Variants in SFTPD observed in about 807,000 individuals in gnomAD.
SFTPD encodes the protein surfactant protein D, also known as pulmonary surfactant-associated protein D.
A neutral mutation model predicts 34.6 loss-of-function variants in SFTPD; 18 were observed. The observed-to-expected ratio is 0.52, with a 90% CI of 0.36 to 0.77. The LOEUF is 0.77. SFTPD is among the 30% of genes least tolerant of loss of function. The probability of loss-of-function intolerance (pLI) is 0.00; values close to 1 mark genes in which losing one functional copy is unlikely to be tolerated. For synonymous variants in SFTPD, 155 were observed against 180.9 expected (o/e 0.86, Z 1.15); for missense variants, 433 against 468.9 (o/e 0.92, Z 0.71).
At chr10:79,940,057 C>T (rs997664005) in intron 7 of SFTPD, among the ~76,000 whole-genome samples, 4 of 152,188 alleles carry the variant, frequency 2.6e-5, no homozygotes, top group Non-Finnish European at 4.4e-5. Flanking sequence ...ACCAAGAGCA[C>T]GTCTAAGGTG....
chr10:79,942,579 A>G, intron 3 of SFTPD, 75 bp from the exon 4 acceptor site: 1 of 1,062,234 alleles, frequency 9.4e-7, no homozygotes, highest in Non-Finnish European at 1.5e-6. Context: ...GGTGAGGGTA[A>G]TAACAGAGGT....
At position 79,937,853 on chromosome 10, in the gene SFTPD, C is replaced by G; in HGVS notation, c.1127G>C (p.Ter376SerextTer32). The stretch of plus-strand genomic sequence containing the variant: ...ACTGCCCCACCCACCCCAGTTGGCT[C>G]AGAACTCGCAGACCACAAGACGCTT... ...GEKRLVVCEF[*>S] Residue 376 changes from the stop codon to serine, a stop_lost, in exon 8 of 8, where the codon TGA (stop) becomes TCA (serine). Transcript: ENST00000372292. 1 of 1,535,088 alleles carries G rather than the reference C, an allele frequency of 6.5e-7. No individual in the cohort carries two copies. The highest frequency in any genetic ancestry group is 1.8e-4 in the Middle Eastern group (1 of 5,688).
chr10:79,979,493 T>C (rs1378878729), intron 1 of SFTPD, among the ~76,000 whole-genome samples: 15 of 152,208 alleles, frequency 9.9e-5, no homozygotes, highest in Admixed American at 9.8e-4. Flanking sequence ...GAGATCTGTG[T>C]ACTTGGGAGA....
intron 2 of SFTPD, among the ~76,000 whole-genome samples, chr10:79,945,450 A>G (rs1842655496): frequency 6.6e-6 from 1 of 152,176 alleles, no homozygotes; most frequent in Non-Finnish European, 1.5e-5. Flanking sequence ...CCAGAAAGTT[A>G]AAGACTGTAT....
intron 7 of SFTPD, 142 bp downstream of exon 7, chr10:79,940,563 C>T (rs1842600636): frequency 1.6e-6 from 1 of 608,458 alleles, no homozygotes; most frequent in Non-Finnish European, 3.0e-6. Flanking sequence ...CAGGTCCCAG[C>T]TCATTCCCAT....
intron 1 of SFTPD, among the ~76,000 whole-genome samples, chr10:79,978,616 C>A (rs1272979616): frequency 7.8e-6 from 1 of 128,264 alleles, no homozygotes; most frequent in Non-Finnish European, 1.5e-5. Context: ...TGTGCCACTG[C>A]ACTCTAGCCT....
At chr10:79,959,492 T>A (rs1311890947) in intron 1 of SFTPD, among the ~76,000 whole-genome samples, 1 of 152,128 alleles carries the variant, frequency 6.6e-6, no homozygotes, top group East Asian at 1.9e-4. Flanking sequence ...AAATACAAAC[T>A]ACCATCAGAG....
chr10:79,979,059 C>G (rs1373008233), intron 1 of SFTPD, among the ~76,000 whole-genome samples: 1 of 151,986 alleles, frequency 6.6e-6, no homozygotes, highest in Non-Finnish European at 1.5e-5. Context: ...TATCAACAAA[C>G]TATCAGAAAC....
intron 7 of SFTPD, among the ~76,000 whole-genome samples, chr10:79,939,610 G>T (rs1293478238): frequency 2.0e-5 from 3 of 152,170 alleles, no homozygotes; most frequent in Non-Finnish European, 4.4e-5. Context: ...ACATGCAGTG[G>T]GTGCATATGG....
At chr10:79,980,354 T>C (rs961235607) in intron 1 of SFTPD, among the ~76,000 whole-genome samples, 118 of 152,254 alleles carry the variant, frequency 7.8e-4, no homozygotes, top group African/African-American at 2.7e-3. Flanking sequence ...AGCTCCGAGA[T>C]GGCATTTATA....
In SFTPD at chr10:79,940,807, C is replaced by T. The variant is rs1842603631; in HGVS notation, c.668-19G>A. On this transcript the variant is annotated intron_variant, in intron 6 of 7. Coordinates refer to ENST00000372292, the MANE Select transcript of SFTPD (RefSeq NM_003019.5). ...GCAACATCTGGAGGGGAGAAAATGG[C>T]CAAGTAAAGACTTGTCCAGAGAGCG... 2 of 1,547,554 alleles carry T rather than the reference C, an allele frequency of 1.3e-6. No homozygotes were observed. The highest frequency in any genetic ancestry group is 1.1e-5 in the South Asian group (1 of 89,650).
upstream of SFTPD, among the ~76,000 whole-genome samples, chr10:79,952,504 C>G (rs1460305273): frequency 6.6e-6 from 1 of 152,204 alleles, no homozygotes; most frequent in Non-Finnish European, 1.5e-5. Context: ...CCTCTTCTCA[C>G]ACGTGGGGAG....
At chr10:79,961,484 G>A (rs1294756378) in intron 1 of SFTPD, among the ~76,000 whole-genome samples, 2 of 152,094 alleles carry the variant, frequency 1.3e-5, no homozygotes, top group Middle Eastern at 3.2e-3. Flanking sequence ...GTGGGTGAAG[G>A]ATATGAACAG....
chr10:79,939,195 G>A (rs966328796), intron 7 of SFTPD, among the ~76,000 whole-genome samples: 2 of 152,222 alleles, frequency 1.3e-5, no homozygotes, highest in Non-Finnish European at 1.5e-5. Flanking sequence ...GACATGTCAA[G>A]TATCTCTTTT....
Position 79,940,856 on chromosome 10 carries a change from C to T in SFTPD, c.668-68G>A. On this transcript the variant is annotated intron_variant, in intron 6 of 7. Transcript: ENST00000372292. ...CGAAGGAAGAGCTCAGAGTCTGGGC[C>T]CCAAAGGAAGGGTGTCTAGTTTCGG... The T allele has an allele frequency of 2.8e-6, 3 of 1,067,182 alleles. No homozygotes were observed. The South Asian group carries it at 3.8e-5, about 14-fold the overall frequency. 66.1% of individuals were successfully genotyped at this position (1,067,182 alleles called of 1,614,324 possible).
intron 1 of SFTPD, among the ~76,000 whole-genome samples, chr10:79,955,442 A>T (rs1481649525): frequency 6.6e-6 from 1 of 152,114 alleles, no homozygotes; most frequent in Non-Finnish European, 1.5e-5. Context: ...CTGAAGTAAA[A>T]CAAAACAAAA....
intron 1 of SFTPD, among the ~76,000 whole-genome samples, chr10:79,947,857 A>C (rs2819096): frequency 0.63 from 95,422 of 152,084 alleles, 30,443 homozygotes; most frequent in African/African-American, 0.75. Flanking sequence ...TGGGACATTA[A>C]CTGTTTTGGG....
intron 1 of SFTPD, among the ~76,000 whole-genome samples, chr10:79,955,207 G>A (rs1056661648): frequency 6.6e-6 from 1 of 152,034 alleles, no homozygotes; most frequent in African/African-American, 2.4e-5. Flanking sequence ...CAAGGAGCTG[G>A]AACCTTTTAC....
chr10:79,950,337 CATGTT>C (rs1434235455), upstream of SFTPD: 2 of 152,048 alleles, frequency 1.3e-5, no homozygotes, highest in Admixed American at 6.6e-5. Flanking sequence ...CATTCATTTC[CATGTT>C]TAGAACTTTA....
Sources: allele counts gnomAD v4.1 joint callset (sites outside exome capture counted in the v4.1 genomes callset), GRCh38; gene constraint gnomAD v4.1.1; transcripts MANE v1.5; gene names NCBI Gene and HGNC (gene_info 2026-07-23, HGNC 2026-07-21).